The following NEK5 variants were observed in gnomAD, a reference collection of about 807,000 sequenced individuals.
NEK5 encodes the protein serine/threonine-protein kinase Nek5.
NEK5 carries 88 observed loss-of-function variants against 109.2 expected under a neutral mutation model. The ratio of observed to expected loss-of-function variants is 0.81; its 90% CI spans 0.68 to 0.96. NEK5 has a LOEUF of 0.96. Among genes scored for constraint, NEK5 ranks in the 40% least tolerant of loss-of-function variants. NEK5 has a pLI of 0.00. For missense variants in NEK5, 834 were observed against 920.7 expected, an observed-to-expected ratio of 0.91 and a Z score of 1.22; for synonymous variants, 283 against 299.9, an observed-to-expected ratio of 0.94 and a Z score of 0.58.
intron 12 of NEK5, 73 bp from the exon 13 acceptor site, chr13:52,093,308 C>G: frequency 8.8e-7 from 1 of 1,139,408 alleles, no homozygotes; most frequent in Non-Finnish European, 1.3e-6. Flanking sequence ...ACCTGTAACC[C>G]TAGCACTTTG....
intron 17 of NEK5, among the ~76,000 whole-genome samples, chr13:52,076,492 T>G (rs1046476728): frequency 9.9e-5 from 15 of 152,082 alleles, no homozygotes; most frequent in Non-Finnish European, 1.9e-4. Context: ...CATGACGGTA[T>G]AAAGGAAGGA....
At chr13:52,060,102 G>A (rs149111221) in intron 22 of NEK5, among the ~76,000 whole-genome samples, 2 of 151,832 alleles carry the variant, frequency 1.3e-5, no homozygotes, top group Non-Finnish European at 1.5e-5. Flanking sequence ...TCATTATCTA[G>A]ATCATCTCCA....
At chr13:52,080,853 A>AT (rs1239529448) in intron 17 of NEK5, among the ~76,000 whole-genome samples, 1 of 151,336 alleles carries the variant, frequency 6.6e-6, no homozygotes, top group African/African-American at 2.4e-5. Context: ...ACCCTGCCAA[A>AT]TACCCCTCTG....
intron 9 of NEK5, among the ~76,000 whole-genome samples, chr13:52,104,175 T>C (rs189510007): frequency 6.6e-6 from 1 of 151,932 alleles, no homozygotes; most frequent in East Asian, 1.9e-4. Context: ...GTTGGCCAGG[T>C]TGGTCTCCAA....
At chr13:52,106,475 A>G (rs938029623) in intron 8 of NEK5, among the ~76,000 whole-genome samples, 3 of 152,116 alleles carry the variant, frequency 2.0e-5, no homozygotes, top group Non-Finnish European at 4.4e-5. Flanking sequence ...CATTAGCATT[A>G]CTGCTGAGGG....
At chr13:52,104,435 GAAGTT>G in intron 9 of NEK5, 58 bp downstream of exon 9, 1 of 1,149,740 alleles carries the variant, frequency 8.7e-7, no homozygotes, top group Non-Finnish European at 1.3e-6. Flanking sequence ...TTTTCTCCCA[GAAGTT>G]AATTTCTTTT....
At chr13:52,106,825 ACTGGGTTTTAAAG>A (rs1382598937) in intron 8 of NEK5, among the ~76,000 whole-genome samples, 1 of 152,016 alleles carries the variant, frequency 6.6e-6, no homozygotes. Context: ...ATAAAAACTA[ACTGGGTTTTAAAG>A]CTGGAAGACA....
chr13:52,085,866 CAG>C (rs1467509971), intron 16 of NEK5, among the ~76,000 whole-genome samples: 1 of 152,264 alleles, frequency 6.6e-6, no homozygotes, highest in Admixed American at 6.5e-5. Context: ...CCTTACCCTG[CAG>C]AGAGTTGAAA....
At chr13:52,070,632 C>T (rs1170969252) in intron 20 of NEK5, among the ~76,000 whole-genome samples, 1 of 152,156 alleles carries the variant, frequency 6.6e-6, no homozygotes, top group Admixed American at 6.5e-5. Context: ...GTGAGGCTTC[C>T]CCAGCCATGT....
At chr13:52,116,727 C>G (rs949587468) in intron 4 of NEK5, among the ~76,000 whole-genome samples, 3 of 152,096 alleles carry the variant, frequency 2.0e-5, no homozygotes, top group Admixed American at 1.3e-4. Flanking sequence ...AAAACAAATA[C>G]AACAGCATGG....
rs1008236356 is a variant in NEK5, at chr13:52,101,830, A to T, written c.892+103T>A. 1.7e-5 allele frequency: 16 copies of T among 967,424 alleles called. No homozygotes were observed. In the East Asian group the frequency reaches 2.9e-4, roughly 18 times the overall value. The allele number at this position is 967,424 out of a possible 1,614,324, so 59.9% of individuals were successfully genotyped here. On this transcript the variant is annotated intron_variant, in intron 11 of 23. Coordinates refer to ENST00000684899, the MANE Select transcript of NEK5 (RefSeq NM_001365552.1). ...CCTGCTTATACTGCTTGTATTTTTTAAAATGTCCACTTTCAATATGTTTGG... is the reference window on the plus strand; with the variant it reads ...CCTGCTTATACTGCTTGTATTTTTTTAAATGTCCACTTTCAATATGTTTGG...
chr13:52,108,290 A>G (rs752866269), intron 8 of NEK5, 28 bp downstream of exon 8: 9 of 1,338,138 alleles, frequency 6.7e-6, no homozygotes. Context: ...TTTTACTGAC[A>G]CTTTCAAACT....
intron 12 of NEK5, among the ~76,000 whole-genome samples, chr13:52,094,966 G>A (rs1280194178): frequency 3.3e-5 from 5 of 152,160 alleles, no homozygotes; most frequent in African/African-American, 1.2e-4. Flanking sequence ...CACCCAGCCT[G>A]CAGGACTGTG....
intron 22 of NEK5, among the ~76,000 whole-genome samples, chr13:52,051,654 C>A (rs182517687): frequency 2.6e-5 from 4 of 152,014 alleles, no homozygotes; most frequent in African/African-American, 7.3e-5. Context: ...ACAGCGGCTG[C>A]GGTTGTGAAA....
intron 14 of NEK5, among the ~76,000 whole-genome samples, chr13:52,088,858 A>C (rs1444846679): frequency 6.6e-6 from 1 of 151,726 alleles, no homozygotes; most frequent in Non-Finnish European, 1.5e-5. Flanking sequence ...TGGGAGGCCT[A>C]GGTGGGTGGA....
intron 7 of NEK5, 64 bp downstream of exon 7, chr13:52,110,275 GA>G (rs770818941): frequency 3.9e-5 from 40 of 1,032,286 alleles, no homozygotes; most frequent in Non-Finnish European, 5.6e-5. Context: ...CTTAATCCAT[GA>G]TATCTAAAAA....
chr13:52,049,015 C>A (rs7338131), intron 23 of NEK5, among the ~76,000 whole-genome samples: 15 of 151,986 alleles, frequency 9.9e-5, no homozygotes, highest in African/African-American at 3.1e-4. Context: ...AAGCATGTGA[C>A]GTAATACATA....
chr13:52,083,190 AAGGGTAAG>A, intron 17 of NEK5, 62 bp downstream of exon 17: 1 of 1,028,158 alleles, frequency 9.7e-7, no homozygotes, highest in Non-Finnish European at 1.5e-6. Context: ...CTGCACAGAG[AAGGGTAAG>A]AGCCACTTGG....
At chr13:52,101,325 G>C (rs994325503) in intron 11 of NEK5, among the ~76,000 whole-genome samples, 2 of 152,118 alleles carry the variant, frequency 1.3e-5, no homozygotes, top group African/African-American at 4.8e-5. Flanking sequence ...GCATGAACCC[G>C]GGAGGTGGAG....
Sources: allele counts gnomAD v4.1 joint callset (sites outside exome capture counted in the v4.1 genomes callset), GRCh38; gene constraint gnomAD v4.1.1; transcripts MANE v1.5; gene names NCBI Gene and HGNC (gene_info 2026-07-23, HGNC 2026-07-21).